Variants in C12orf54 observed in about 807,000 individuals in gnomAD.
The protein encoded by C12orf54 is chromosome 12 open reading frame 54.
A neutral mutation model predicts 26.4 loss-of-function variants in C12orf54; 24 were observed. That is an observed-to-expected ratio of 0.91 (90% confidence interval 0.66 to 1.28). C12orf54 has a LOEUF of 1.28. C12orf54 is among the 50% of genes most tolerant of loss of function. The pLI is 0.00. For synonymous variants in C12orf54, 54 were observed against 47.0 expected, an observed-to-expected ratio of 1.15 and a Z score of -0.61; for missense variants, 154 against 150.9, an observed-to-expected ratio of 1.02 and a Z score of -0.11.
At chr12:48,441,224 A>T in the C12orf54 span, among the ~76,000 whole-genome samples, 4 of 152,250 alleles carry the variant, frequency 2.6e-5, no homozygotes. Context: ...GAAAGGGCAG[A>T]ATCTAGGATA....
chr12:48,468,589 TACA>T, the C12orf54 span, among the ~76,000 whole-genome samples: 50,915 of 151,904 alleles, frequency 0.34, 10,452 homozygotes, highest in Middle Eastern at 0.48. Flanking sequence ...AAACACTAAC[TACA>T]ACAACAATAA....
chr12:48,426,102 G>A, the C12orf54 span, among the ~76,000 whole-genome samples: 1 of 151,880 alleles, frequency 6.6e-6, no homozygotes, highest in African/African-American at 2.4e-5. Context: ...GATCCCATTT[G>A]TCCCCTTTTG....
chr12:48,481,810 T>C (rs973956565), upstream of C12orf54, among the ~76,000 whole-genome samples: 1 of 152,134 alleles, frequency 6.6e-6, no homozygotes, highest in Non-Finnish European at 1.5e-5. Flanking sequence ...CAATTCCCAC[T>C]TCACCACGAC....
At chr12:48,459,857 T>A in the C12orf54 span, among the ~76,000 whole-genome samples, 2 of 152,190 alleles carry the variant, frequency 1.3e-5, no homozygotes, top group East Asian at 3.9e-4. Context: ...TGTGAAATAC[T>A]GCCAAACAGG....
At chr12:48,476,283 G>A in the C12orf54 span, among the ~76,000 whole-genome samples, 1 of 152,230 alleles carries the variant, frequency 6.6e-6, no homozygotes, top group Non-Finnish European at 1.5e-5. Context: ...ACCAGTCACT[G>A]CAAAAACATG....
chr12:48,490,661 A>G, intron 5 of C12orf54, 151 bp from the exon 6 acceptor site: 1 of 867,376 alleles, frequency 1.2e-6, no homozygotes. Context: ...TCAAAAAAAG[A>G]AAGAAAGAAA....
the C12orf54 span, among the ~76,000 whole-genome samples, chr12:48,425,113 T>C: frequency 1.7e-3 from 258 of 152,200 alleles, 1 homozygote; most frequent in African/African-American, 6.0e-3. Flanking sequence ...CAGGGGTACA[T>C]GTGCAGGTTT....
At chr12:48,442,631 C>A in the C12orf54 span, 1 of 164,974 alleles carries the variant, frequency 6.1e-6, no homozygotes, top group South Asian at 1.6e-4. Context: ...TTCAGTGCCC[C>A]CAGTGGCAAA....
At chr12:48,414,867 C>A in the C12orf54 span, among the ~76,000 whole-genome samples, 1 of 152,168 alleles carries the variant, frequency 6.6e-6, no homozygotes, top group Non-Finnish European at 1.5e-5. Context: ...TTGGCAGGAC[C>A]TGATCTTCAC....
chr12:48,462,385 A>G, the C12orf54 span, among the ~76,000 whole-genome samples: 2 of 151,634 alleles, frequency 1.3e-5, no homozygotes. Flanking sequence ...TTCTCAATTA[A>G]TTTTGTGATG....
chr12:48,420,582 A>G, the C12orf54 span, among the ~76,000 whole-genome samples: 17 of 152,108 alleles, frequency 1.1e-4, no homozygotes, highest in African/African-American at 4.1e-4. Context: ...AAGCATCTCT[A>G]TCTCCCAGTC....
chr12:48,488,039 C>T (rs1937692474), intron 4 of C12orf54: 3 of 967,730 alleles, frequency 3.1e-6, no homozygotes, highest in African/African-American at 3.1e-5. Context: ...TGCCTAAGCA[C>T]CCGGAGCTGG....
At chr12:48,420,672 C>G in the C12orf54 span, among the ~76,000 whole-genome samples, 1 of 152,164 alleles carries the variant, frequency 6.6e-6, no homozygotes, top group African/African-American at 2.4e-5. Flanking sequence ...ATGTAGCAAA[C>G]TCAGGAATAA....
the C12orf54 span, among the ~76,000 whole-genome samples, chr12:48,459,722 G>GA: frequency 1.3e-5 from 2 of 152,242 alleles, no homozygotes; most frequent in African/African-American, 4.8e-5. Context: ...AAATCAAAAC[G>GA]AACAAAGGGA....
Position 48,494,988 on chromosome 12 carries a change from C to A in C12orf54, c.*40+9C>A. ...ATCTCTGCTTCCGCCAGGTGCTTTA[C>A]CCAAGCAGCCTTTCCCCTGAGCTCC... On this transcript the variant is annotated intron_variant, in intron 8 of 8. Transcript: ENST00000548364. 2.5e-6 allele frequency: 4 copies of A among 1,580,816 alleles called. No individual in the cohort carries two copies. The highest frequency in any genetic ancestry group is 3.5e-6 in the Non-Finnish European group (4 of 1,153,772).
chr12:48,464,638 C>T, the C12orf54 span, among the ~76,000 whole-genome samples: 1 of 152,070 alleles, frequency 6.6e-6, no homozygotes, highest in Non-Finnish European at 1.5e-5. Flanking sequence ...AAGAATAAAG[C>T]TGGAGGCATC....
chr12:48,461,432 C>T, the C12orf54 span, among the ~76,000 whole-genome samples: 1 of 151,834 alleles, frequency 6.6e-6, no homozygotes, highest in African/African-American at 2.4e-5. Context: ...CAGTATAATA[C>T]ACATTCTTTT....
the C12orf54 span, among the ~76,000 whole-genome samples, chr12:48,468,620 T>C: frequency 6.8e-4 from 104 of 152,222 alleles, no homozygotes; most frequent in Non-Finnish European, 2.2e-4. Flanking sequence ...ATGGTTATAT[T>C]AATATCAGAC....
At chr12:48,472,622 G>C in the C12orf54 span, 1 of 1,609,788 alleles carries the variant, frequency 6.2e-7, no homozygotes, top group South Asian at 1.1e-5. Flanking sequence ...TTTATTGGTT[G>C]AATTCCGCTG....
Sources: allele counts gnomAD v4.1 joint callset (sites outside exome capture counted in the v4.1 genomes callset), GRCh38; gene constraint gnomAD v4.1.1; transcripts MANE v1.5; gene names NCBI Gene and HGNC (gene_info 2026-07-23, HGNC 2026-07-21).